The following LATS2 variants were observed in gnomAD, a reference collection of about 807,000 sequenced individuals.
LATS2 encodes the protein serine/threonine-protein kinase LATS2.
Under a neutral mutation model 76.0 loss-of-function variants are expected in LATS2, and 24 were observed. The ratio of observed to expected loss-of-function variants is 0.32; its 90% CI spans 0.23 to 0.44. The LOEUF is 0.44. LATS2 is among the 20% of genes least tolerant of loss of function. The probability of loss-of-function intolerance (pLI) is 1.00; values close to 1 mark genes in which losing one functional copy is unlikely to be tolerated. For synonymous variants in LATS2, 692 were observed against 635.4 expected, an observed-to-expected ratio of 1.09 and a Z score of -1.34; for missense variants, 1,286 against 1,481.2, an observed-to-expected ratio of 0.87 and a Z score of 2.16.
At chr13:21,050,090 A>T (rs1873213884) in intron 1 of LATS2, among the ~76,000 whole-genome samples, 1 of 150,868 alleles carries the variant, frequency 6.6e-6, no homozygotes, top group Admixed American at 6.6e-5. Flanking sequence ...ACTGCACTCC[A>T]GCCTAGGCGA....
intron 2 of LATS2, among the ~76,000 whole-genome samples, chr13:21,035,259 G>A (rs1418914899): frequency 6.6e-6 from 1 of 152,016 alleles, no homozygotes; most frequent in Admixed American, 6.6e-5. Flanking sequence ...AATGGATGTG[G>A]CATTTTTTTT....
At chr13:21,034,108 C>T (rs1175530953) in intron 2 of LATS2, among the ~76,000 whole-genome samples, 1 of 152,146 alleles carries the variant, frequency 6.6e-6, no homozygotes, top group Non-Finnish European at 1.5e-5. Flanking sequence ...GTCAGACTGC[C>T]ACCTCTGCAT....
chr13:20,974,838 G>A lies in LATS2; in HGVS notation c.*32C>T, dbSNP rs1442742306. On this transcript the variant is annotated 3_prime_UTR_variant, in exon 8 of 8. Coordinates refer to ENST00000382592, the MANE Select transcript of LATS2 (RefSeq NM_014572.3). The stretch of plus-strand genomic sequence containing the variant: ...CCGGCTCCGGGACCCTGACCTGGGA[G>A]GCAGCGAGTGGTGGGGGTGCCTGGC... 3.8e-6 allele frequency: 6 copies of A among 1,573,216 alleles called. No homozygotes were observed. Among genetic ancestry groups the A allele is most frequent in the Non-Finnish European group, 5.2e-6 (6 of 1,160,160 alleles).
At chr13:21,009,619 C>G (rs1871494159) in intron 2 of LATS2, among the ~76,000 whole-genome samples, 1 of 152,208 alleles carries the variant, frequency 6.6e-6, no homozygotes, top group South Asian at 2.1e-4. Context: ...TCTTACTATT[C>G]TTAATTTTTC....
chr13:21,060,961 G>T (rs944768776), intron 1 of LATS2, among the ~76,000 whole-genome samples: 1 of 151,414 alleles, frequency 6.6e-6, no homozygotes, highest in African/African-American at 2.4e-5. Flanking sequence ...GGCCTTTCGG[G>T]TCTAGGACAC....
At chr13:21,014,947 C>A (rs1443451163) in intron 2 of LATS2, among the ~76,000 whole-genome samples, 2 of 152,190 alleles carry the variant, frequency 1.3e-5, no homozygotes, top group Non-Finnish European at 2.9e-5. Flanking sequence ...TGTTTGTTGG[C>A]AGGTTGATGA....
At chr13:21,046,552 G>C (rs1873083167) in intron 1 of LATS2, among the ~76,000 whole-genome samples, 1 of 152,152 alleles carries the variant, frequency 6.6e-6, no homozygotes, top group African/African-American at 2.4e-5. Flanking sequence ...ATTTTATTTT[G>C]AAACCCACAG....
chr13:21,002,248 G>A (rs1303559312), intron 2 of LATS2, among the ~76,000 whole-genome samples: 2 of 152,054 alleles, frequency 1.3e-5, no homozygotes, highest in Non-Finnish European at 2.9e-5. Context: ...AAAAATTCTG[G>A]GATGGTCTAA....
At chr13:21,017,854 G>C (rs998999150) in intron 2 of LATS2, among the ~76,000 whole-genome samples, 1 of 152,144 alleles carries the variant, frequency 6.6e-6, no homozygotes, top group African/African-American at 2.4e-5. Flanking sequence ...TTGAACTCCT[G>C]ACCTCAGGTG....
At chr13:21,011,879 TTCC>T (rs1208095312) in intron 2 of LATS2, among the ~76,000 whole-genome samples, 5 of 152,234 alleles carry the variant, frequency 3.3e-5, no homozygotes, top group Non-Finnish European at 7.3e-5. Flanking sequence ...TAGCATATTG[TTCC>T]TGGCTACAAA....
At chr13:21,038,345 T>C (rs1456721487) in intron 2 of LATS2, among the ~76,000 whole-genome samples, 1 of 152,084 alleles carries the variant, frequency 6.6e-6, no homozygotes, top group African/African-American at 2.4e-5. Flanking sequence ...ATGTATTATA[T>C]AGTTTAATAT....
chr13:20,983,390 G>A lies in LATS2; in HGVS notation c.2316C>T (p.Ile772=), dbSNP rs762300108. ...VFPEHLARFY[I]AELTLAIESV... ...TCTCAATGGCCAAAGTCAGCTCTGC[G>A]ATGTAGAACCGGGCCAGGTGCTCAG... is the stretch of plus-strand genomic sequence containing the variant. The change falls in exon 5 of 8, where the codon ATC becomes ATT. Residue 772 remains isoleucine, a synonymous_variant. Transcript: ENST00000382592. The A allele has an allele frequency of 3.7e-6, 6 of 1,613,974 alleles. No individual in the cohort carries two copies. Among genetic ancestry groups the A allele is most frequent in the South Asian group, 1.1e-5 (1 of 91,074 alleles).
At chr13:21,007,893 G>A (rs1871423340) in intron 2 of LATS2, among the ~76,000 whole-genome samples, 1 of 145,276 alleles carries the variant, frequency 6.9e-6, no homozygotes, top group Non-Finnish European at 1.5e-5. Flanking sequence ...CTGAGTAGCT[G>A]GAATTACAGA....
At chr13:20,985,172 G>A (rs1169300800) in intron 4 of LATS2, among the ~76,000 whole-genome samples, 1 of 152,098 alleles carries the variant, frequency 6.6e-6, no homozygotes, top group East Asian at 1.9e-4. Flanking sequence ...AAGACCAGAG[G>A]CTATGAAAAT....
intron 1 of LATS2, among the ~76,000 whole-genome samples, chr13:21,048,869 TA>T (rs941544637): frequency 1.3e-4 from 20 of 150,708 alleles, no homozygotes; most frequent in Admixed American, 1.1e-3. Context: ...AAAATAAAAA[TA>T]AAAAAAACCT....
Position 20,989,275 on chromosome 13 carries a change from G to A in LATS2, c.505C>T (p.Arg169Trp). Residue 169 changes from arginine to tryptophan, a missense_variant, in exon 4 of 8, where the codon CGG (arginine) becomes TGG (tryptophan). Arg to Trp is a moderately radical substitution (Grantham distance 101, BLOSUM62 -3). Transcript: ENST00000382592. ...GKGLMPTPVTRRPSFEGTGDS... is the reference protein window; with the variant it reads ...GKGLMPTPVTWRPSFEGTGDS... ...CCGGTTCCTTCGAAGCTGGGCCTCC[G>A]CGTCACTGGGGTTGGCATGAGCCCC... 1.2e-6 allele frequency: 2 copies of A among 1,613,978 alleles called. No homozygotes were observed. The highest frequency in any genetic ancestry group is 2.2e-5 in the East Asian group (1 of 44,880).
intron 2 of LATS2, among the ~76,000 whole-genome samples, chr13:21,039,341 G>A (rs951064042): frequency 2.0e-5 from 3 of 152,176 alleles, no homozygotes; most frequent in South Asian, 2.1e-4. Flanking sequence ...AAATGTACAT[G>A]TTATCTAAAT....
intron 2 of LATS2, among the ~76,000 whole-genome samples, chr13:21,013,589 G>A (rs1289501015): frequency 2.6e-5 from 4 of 152,082 alleles, no homozygotes; most frequent in East Asian, 3.9e-4. Context: ...TCCCTTTCCC[G>A]TTTATGTTGG....
chr13:20,986,843 A>T (rs1870166284), intron 4 of LATS2, among the ~76,000 whole-genome samples: 1 of 152,172 alleles, frequency 6.6e-6, no homozygotes, highest in Non-Finnish European at 1.5e-5. Context: ...TACATATCCT[A>T]TGCATGTAAC....
Sources: gnomAD v4.1 joint callset for allele counts (sites outside exome capture counted in the v4.1 genomes callset) on GRCh38, gnomAD v4.1.1 for gene constraint, MANE v1.5 for transcripts, NCBI Gene and HGNC (gene_info 2026-07-23, HGNC 2026-07-21) for gene names.